Variants in PBX1 observed in about 807,000 individuals in gnomAD.
The protein encoded by PBX1 is PBX homeobox 1, also known as pre-B-cell leukemia transcription factor 1.
In PBX1, 6 loss-of-function variants were observed where a neutral mutation model predicts 53.4. The ratio of observed to expected loss-of-function variants is 0.11; its 90% CI spans 0.06 to 0.22. The LOEUF (loss-of-function observed/expected upper bound fraction) is 0.22. Among genes scored for constraint, PBX1 ranks in the 10% least tolerant of loss-of-function variants. The pLI is 1.00. For missense variants in PBX1, 251 were observed against 551.4 expected (o/e 0.46, Z 5.46); for synonymous variants, 204 against 212.3 (o/e 0.96, Z 0.34).
intron 4 of PBX1, among the ~76,000 whole-genome samples, chr1:164,800,106 T>TG (rs1668995327): frequency 6.6e-6 from 1 of 152,234 alleles, no homozygotes; most frequent in Non-Finnish European, 1.5e-5. Context: ...ACTACTGTTA[T>TG]GCACTCTGGG....
In PBX1 at chr1:164,850,157, CAA is replaced by C. The variant is rs935337355; in HGVS notation, c.*3482_*3483del. 2 of 227,732 alleles carry C rather than the reference CAA, an allele frequency of 8.8e-6. No individual in the cohort carries two copies. Among genetic ancestry groups the C allele is most frequent in the African/African-American group, 4.4e-5 (2 of 45,032 alleles). The allele number at this position is 227,732 out of a possible 1,614,324, so 14.1% of individuals were successfully genotyped here. A position where few individuals can be genotyped will look rare whatever the true frequency, so the allele number is the denominator to read the frequency against. ...GGAATTTCCCCTCTTCTTTCTGTGACAATGCGCATCATTCCTGCATTAGTTTT... is the reference window on the plus strand; with the variant it reads ...GGAATTTCCCCTCTTCTTTCTGTGACTGCGCATCATTCCTGCATTAGTTTT... On this transcript the variant is annotated 3_prime_UTR_variant, in exon 9 of 9. Transcript: ENST00000420696.
chr1:164,637,832 A>T (rs910721515), intron 2 of PBX1, among the ~76,000 whole-genome samples: 1 of 152,178 alleles, frequency 6.6e-6, no homozygotes, highest in African/African-American at 2.4e-5. Flanking sequence ...ATGGGGGCAG[A>T]CAGAACAGGC....
At chr1:164,817,361 A>G (rs999952946) in intron 6 of PBX1, 2 of 152,186 alleles carry the variant, frequency 1.3e-5, no homozygotes, top group African/African-American at 4.8e-5. Flanking sequence ...TGGGTAGAGA[A>G]CATGTCCTCC....
At chr1:164,840,227 T>G (rs1671227381) in intron 8 of PBX1, among the ~76,000 whole-genome samples, 1 of 152,226 alleles carries the variant, frequency 6.6e-6, no homozygotes, top group African/African-American at 2.4e-5. Context: ...AAATTGATTC[T>G]GAGTTACCTA....
chr1:164,600,639 G>T (rs1053039578), intron 2 of PBX1, among the ~76,000 whole-genome samples: 2 of 152,184 alleles, frequency 1.3e-5, no homozygotes, highest in African/African-American at 4.8e-5. Context: ...TCCTGAGGCA[G>T]CCCCATGCCT....
intron 2 of PBX1, among the ~76,000 whole-genome samples, chr1:164,883,288 T>A (rs142725635): frequency 1.7e-3 from 262 of 152,270 alleles, no homozygotes; most frequent in African/African-American, 6.0e-3. Context: ...ATAAAAAAAA[T>A]CTGTCTTCAG....
intron 2 of PBX1, among the ~76,000 whole-genome samples, chr1:164,699,992 C>G (rs749734866): frequency 6.6e-6 from 1 of 152,186 alleles, no homozygotes; most frequent in Non-Finnish European, 1.5e-5. Context: ...GGACTTAATA[C>G]TGAGAGCCAG....
At position 164,849,700 on chromosome 1, in the gene PBX1, C is replaced by G; in HGVS notation, c.*3024C>G. ...CTCCCTCTGGCATGGAATTGACGCCCGTGCAGTACATTTGCCAAGTGGCAC... is the reference window on the plus strand; with the variant it reads ...CTCCCTCTGGCATGGAATTGACGCCGGTGCAGTACATTTGCCAAGTGGCAC... On this transcript the variant is annotated 3_prime_UTR_variant, in exon 9 of 9. Transcript: ENST00000420696. 3.1e-6 allele frequency: 1 copy of G among 320,994 alleles called. No individual in the cohort carries two copies. The highest frequency in any genetic ancestry group is 5.7e-6 in the Non-Finnish European group (1 of 174,260). 19.9% of individuals were successfully genotyped at this position (320,994 alleles called of 1,614,324 possible).
chr1:164,669,782 T>C (rs1661015486), intron 2 of PBX1, among the ~76,000 whole-genome samples: 1 of 152,182 alleles, frequency 6.6e-6, no homozygotes, highest in Non-Finnish European at 1.5e-5. Flanking sequence ...TGTATATCCA[T>C]GTTGGGCATT....
At chr1:164,814,411 GT>G (rs983822395) in intron 6 of PBX1, 6 of 151,960 alleles carry the variant, frequency 3.9e-5, no homozygotes, top group African/African-American at 1.4e-4. Flanking sequence ...TTTTTTCAGA[GT>G]TTTACAAAAT....
At position 164,848,896 on chromosome 1, in the gene PBX1, A is replaced by T. The variant is rs1253823028; in HGVS notation, c.*2220A>T. Reference sequence around the variant, plus strand: ...TCAAGGGAATGTGTATTTGAAGGAAATGCAAAAACTAAGTATTTAGCAAAA... The same window carrying T: ...TCAAGGGAATGTGTATTTGAAGGAATTGCAAAAACTAAGTATTTAGCAAAA... On this transcript the variant is annotated 3_prime_UTR_variant, in exon 9 of 9. Transcript: ENST00000420696. 1 of 1,068,366 alleles carries T rather than the reference A, an allele frequency of 9.4e-7. No homozygotes were observed. Among genetic ancestry groups the T allele is most frequent in the Non-Finnish European group, 1.1e-6 (1 of 881,424 alleles). 66.2% of individuals were successfully genotyped at this position (1,068,366 alleles called of 1,614,324 possible).
chr1:164,582,012 A>G (rs1654647961), intron 2 of PBX1, among the ~76,000 whole-genome samples: 1 of 152,232 alleles, frequency 6.6e-6, no homozygotes, highest in African/African-American at 2.4e-5. Context: ...TCAAAAAGGC[A>G]TGCAAGAAGC....
intron 2 of PBX1, among the ~76,000 whole-genome samples, chr1:164,603,781 T>C (rs2101807061): frequency 6.6e-6 from 1 of 152,276 alleles, no homozygotes; most frequent in African/African-American, 2.4e-5. Flanking sequence ...TTTTATACAT[T>C]TCAAGTTTTA....
At chr1:164,873,735 T>A (rs1329648934) in intron 2 of PBX1, among the ~76,000 whole-genome samples, 2 of 152,190 alleles carry the variant, frequency 1.3e-5, no homozygotes, top group African/African-American at 4.8e-5. Flanking sequence ...TAATTATAGA[T>A]CAATCTGCTG....
downstream of PBX1, among the ~76,000 whole-genome samples, chr1:164,852,807 C>T (rs1410989612): frequency 6.6e-6 from 1 of 152,180 alleles, no homozygotes; most frequent in Non-Finnish European, 1.5e-5. Context: ...CAGCTATCTG[C>T]TAATGTTGAG....
At chr1:164,802,970 T>C (rs1571436734) in intron 4 of PBX1, among the ~76,000 whole-genome samples, 1 of 152,082 alleles carries the variant, frequency 6.6e-6, no homozygotes, top group Non-Finnish European at 1.5e-5. Flanking sequence ...TTTCTGGAAA[T>C]AACAGTAACA....
chr1:164,884,276 AT>A (rs1672727864), intron 2 of PBX1, among the ~76,000 whole-genome samples: 1 of 152,078 alleles, frequency 6.6e-6, no homozygotes, highest in Admixed American at 6.6e-5. Context: ...TATCATGGAG[AT>A]TTTTTTCCAT....
At chr1:164,804,915 A>G (rs1015282698) in intron 4 of PBX1, among the ~76,000 whole-genome samples, 1 of 152,210 alleles carries the variant, frequency 6.6e-6, no homozygotes, top group African/African-American at 2.4e-5. Flanking sequence ...GTAAAAGGTG[A>G]TCTTAGTTTT....
chr1:164,868,978 G>A (rs534964271), intron 2 of PBX1, among the ~76,000 whole-genome samples: 3 of 152,310 alleles, frequency 2.0e-5, no homozygotes, highest in Non-Finnish European at 4.4e-5. Context: ...CAGGAGAGGA[G>A]GTTTCTCCCG....
Sources: allele counts gnomAD v4.1 joint callset (sites outside exome capture counted in the v4.1 genomes callset), GRCh38; gene constraint gnomAD v4.1.1; transcripts MANE v1.5; gene names NCBI Gene and HGNC (gene_info 2026-07-23, HGNC 2026-07-21).